The following CELF4 variants were observed in gnomAD, a reference collection of about 807,000 sequenced individuals.
CELF4 encodes CUGBP Elav-like family member 4.
Under a neutral mutation model 59.9 loss-of-function variants are expected in CELF4, and 18 were observed. That is an observed-to-expected ratio of 0.30 (90% CI 0.21 to 0.45). The LOEUF (loss-of-function observed/expected upper bound fraction) is 0.45, where lower values mean the gene tolerates loss of function less well. CELF4 is among the 20% of genes least tolerant of loss of function. CELF4 has a pLI of 1.00. For missense variants in CELF4, 456 were observed against 689.0 expected (o/e 0.66, Z 3.79); for synonymous variants, 261 against 267.1 (o/e 0.98, Z 0.22).
chr18:37,388,256 T>G (rs1480627394), intron 2 of CELF4, among the ~76,000 whole-genome samples: 2 of 152,114 alleles, frequency 1.3e-5, no homozygotes, highest in African/African-American at 2.4e-5. Context: ...CCAGAAGTCA[T>G]GCACCATTGC....
At chr18:37,548,046 T>C (rs1037709999) in intron 1 of CELF4, among the ~76,000 whole-genome samples, 2 of 152,152 alleles carry the variant, frequency 1.3e-5, no homozygotes, top group African/African-American at 4.8e-5. Flanking sequence ...GGTGTCTGTG[T>C]GTACTGATTT....
intron 2 of CELF4, among the ~76,000 whole-genome samples, chr18:37,470,030 A>G (rs944284977): frequency 1.3e-5 from 2 of 152,196 alleles, no homozygotes; most frequent in African/African-American, 4.8e-5. Flanking sequence ...TGCAAGAACT[A>G]TGACCCTCTG....
chr18:37,511,952 T>G (rs1261442287), intron 1 of CELF4, among the ~76,000 whole-genome samples: 1 of 151,324 alleles, frequency 6.6e-6, no homozygotes, highest in Non-Finnish European at 1.5e-5. Flanking sequence ...GGGGTGGGGA[T>G]AGAGGAGGGG....
At chr18:37,554,978 G>T (rs2099984339) in intron 1 of CELF4, among the ~76,000 whole-genome samples, 1 of 152,170 alleles carries the variant, frequency 6.6e-6, no homozygotes, top group Non-Finnish European at 1.5e-5. Flanking sequence ...CACCCTACCA[G>T]CAATGCTGAC....
At chr18:37,275,355 C>CG (rs2092939798) in intron 3 of CELF4, 112 bp from the exon 4 acceptor site, 1 of 255,560 alleles carries the variant, frequency 3.9e-6, no homozygotes, top group Non-Finnish European at 5.1e-6. Context: ...GGAGGCGGGG[C>CG]GGGGGCTCGG....
At chr18:37,323,487 A>G (rs2097194358) in intron 2 of CELF4, among the ~76,000 whole-genome samples, 1 of 152,146 alleles carries the variant, frequency 6.6e-6, no homozygotes, top group Non-Finnish European at 1.5e-5. Flanking sequence ...CTTTGAGGGA[A>G]AGATCCAGAA....
intron 8 of CELF4, among the ~76,000 whole-genome samples, chr18:37,268,653 C>T (rs1402781540): frequency 6.6e-6 from 1 of 152,138 alleles, no homozygotes; most frequent in Non-Finnish European, 1.5e-5. Context: ...CAGTAAAGGC[C>T]ACACTGTGTG....
chr18:37,346,639 T>C (rs2098270228), intron 2 of CELF4, among the ~76,000 whole-genome samples: 1 of 152,024 alleles, frequency 6.6e-6, no homozygotes, highest in African/African-American at 2.4e-5. Flanking sequence ...CCCAGTTAAA[T>C]GGGCAGTTGG....
At chr18:37,395,435 C>A (rs916351198) in intron 2 of CELF4, among the ~76,000 whole-genome samples, 1 of 152,200 alleles carries the variant, frequency 6.6e-6, no homozygotes, top group Non-Finnish European at 1.5e-5. Context: ...CCTCCCCGTT[C>A]CTGCGCCGCA....
At chr18:37,340,879 C>T (rs552328646) in intron 2 of CELF4, among the ~76,000 whole-genome samples, 25 of 152,342 alleles carry the variant, frequency 1.6e-4, no homozygotes, top group Admixed American at 8.5e-4. Context: ...GCTCACTCCA[C>T]GCATGAGTCA....
chr18:37,397,898 G>A (rs952721009), intron 2 of CELF4, among the ~76,000 whole-genome samples: 2 of 152,154 alleles, frequency 1.3e-5, no homozygotes, highest in African/African-American at 2.4e-5. Context: ...AGGGGGTGCG[G>A]ATCCTTGGAT....
intron 2 of CELF4, among the ~76,000 whole-genome samples, chr18:37,427,510 G>A (rs1487016016): frequency 2.0e-5 from 3 of 152,124 alleles, no homozygotes; most frequent in African/African-American, 7.2e-5. Context: ...CCTGACTCGA[G>A]TGTCCTTTCC....
chr18:37,360,723 T>C (rs1017819444), intron 2 of CELF4, among the ~76,000 whole-genome samples: 10 of 152,140 alleles, frequency 6.6e-5, no homozygotes, highest in African/African-American at 2.2e-4. Flanking sequence ...GATATTTGGG[T>C]TCTGTACAGG....
intron 1 of CELF4, among the ~76,000 whole-genome samples, chr18:37,514,218 G>A (rs1223797039): frequency 6.6e-6 from 1 of 152,036 alleles, no homozygotes; most frequent in Non-Finnish European, 1.5e-5. Context: ...AAGGTAATCT[G>A]CTCCACTTCT....
At chr18:37,268,155 G>A (rs2078615654) in intron 8 of CELF4, among the ~76,000 whole-genome samples, 1 of 152,292 alleles carries the variant, frequency 6.6e-6, no homozygotes, top group African/African-American at 2.4e-5. Context: ...GGATGCGGCA[G>A]GGGAGTCAGA....
intron 2 of CELF4, among the ~76,000 whole-genome samples, chr18:37,481,994 C>T (rs2099868716): frequency 6.6e-6 from 1 of 152,232 alleles, no homozygotes; most frequent in South Asian, 2.1e-4. Flanking sequence ...AAGTGCTTGG[C>T]ATCATGCCTG....
chr18:37,368,006 C>T (rs1041948456), intron 2 of CELF4, among the ~76,000 whole-genome samples: 1 of 151,980 alleles, frequency 6.6e-6, no homozygotes, highest in East Asian at 1.9e-4. Flanking sequence ...CGGTGCAGCC[C>T]AGGGAGGTGG....
chr18:37,310,656 A>G (rs569597333), intron 3 of CELF4, among the ~76,000 whole-genome samples: 102 of 151,930 alleles, frequency 6.7e-4, no homozygotes, highest in African/African-American at 2.3e-3. Flanking sequence ...CCTCCCCCCA[A>G]TCACCTGTCC....
intron 9 of CELF4, among the ~76,000 whole-genome samples, chr18:37,265,104 AGTGT>A (rs931419755): frequency 6.8e-6 from 1 of 146,350 alleles, no homozygotes; most frequent in South Asian, 2.1e-4. Context: ...CATACATGCA[AGTGT>A]GTGGGTGTGT....
Sources: allele counts gnomAD v4.1 joint callset (sites outside exome capture counted in the v4.1 genomes callset), GRCh38; gene constraint gnomAD v4.1.1; transcripts MANE v1.5; gene names NCBI Gene and HGNC (gene_info 2026-07-23, HGNC 2026-07-21).